EPHA6: variants seen among roughly 807,000 people sequenced by gnomAD.
EPHA6 encodes the protein ephrin type-A receptor 6.
In EPHA6, 50 loss-of-function variants were observed where a neutral mutation model predicts 112.0. The observed-to-expected ratio is 0.45, with a 90% CI of 0.36 to 0.56. EPHA6 has a LOEUF of 0.56. Ranked by LOEUF, EPHA6 falls within the 20% of genes least tolerant of loss-of-function variation. The probability of loss-of-function intolerance (pLI) is 0.00; values close to 1 mark genes in which losing one functional copy is unlikely to be tolerated. For synonymous variants in EPHA6, 529 were observed against 490.7 expected (o/e 1.08, Z -1.03); for missense variants, 1,280 against 1,417.4 (o/e 0.90, Z 1.56).
intron 10 of EPHA6, among the ~76,000 whole-genome samples, chr3:97,500,338 G>A (rs1234582977): frequency 6.6e-6 from 1 of 152,018 alleles, no homozygotes; most frequent in Non-Finnish European, 1.5e-5. Flanking sequence ...GGTTGTACAG[G>A]AAGCACGATG....
intron 3 of EPHA6, among the ~76,000 whole-genome samples, chr3:97,044,487 C>T (rs1478583705): frequency 6.6e-6 from 1 of 152,116 alleles, no homozygotes; most frequent in Non-Finnish European, 1.5e-5. Context: ...TAAGGTGAAA[C>T]ATCTGATAAG....
At chr3:97,267,538 G>A (rs922208743) in intron 5 of EPHA6, among the ~76,000 whole-genome samples, 1 of 151,964 alleles carries the variant, frequency 6.6e-6, no homozygotes, top group Non-Finnish European at 1.5e-5. Flanking sequence ...GTTGACTAAA[G>A]GAATGAATGC....
At chr3:97,666,483 G>C (rs2030124117) in intron 14 of EPHA6, among the ~76,000 whole-genome samples, 1 of 152,136 alleles carries the variant, frequency 6.6e-6, no homozygotes, top group Non-Finnish European at 1.5e-5. Context: ...CCTAGTTTCT[G>C]GTGGTTTGTT....
intron 2 of EPHA6, among the ~76,000 whole-genome samples, chr3:96,937,477 T>C (rs146308526): frequency 0.014 from 2,057 of 152,254 alleles, 48 homozygotes; most frequent in African/African-American, 0.045. Flanking sequence ...TGTGAATTTG[T>C]TGGAGTTCAT....
intron 14 of EPHA6, among the ~76,000 whole-genome samples, chr3:97,706,239 G>T (rs1192057116): frequency 2.0e-5 from 3 of 151,998 alleles, no homozygotes; most frequent in Non-Finnish European, 2.9e-5. Context: ...TAGGATCCCT[G>T]TCATCCTTTT....
At chr3:97,136,142 G>A (rs750527927) in intron 3 of EPHA6, among the ~76,000 whole-genome samples, 15 of 152,110 alleles carry the variant, frequency 9.9e-5, no homozygotes, top group Non-Finnish European at 1.9e-4. Flanking sequence ...TATGCCTTTA[G>A]GACTCCCACA....
chr3:97,542,094 GTT>G (rs35609794), intron 11 of EPHA6, among the ~76,000 whole-genome samples: 6 of 142,092 alleles, frequency 4.2e-5, no homozygotes, highest in African/African-American at 1.3e-4. Context: ...ATGTTTTTTT[GTT>G]TTTTTTTTTT....
intron 2 of EPHA6, among the ~76,000 whole-genome samples, chr3:96,947,489 G>T (rs2041328554): frequency 6.6e-6 from 1 of 152,098 alleles, no homozygotes; most frequent in Non-Finnish European, 1.5e-5. Flanking sequence ...TCAGATGGTT[G>T]TAGATGTGTG....
chr3:96,885,743 G>A (rs1399179213), intron 2 of EPHA6, among the ~76,000 whole-genome samples: 1 of 151,374 alleles, frequency 6.6e-6, no homozygotes, highest in Non-Finnish European at 1.5e-5. Context: ...CCTGATCTTT[G>A]TTACGTCCCT....
At chr3:96,969,808 T>A (rs2042249504) in intron 2 of EPHA6, among the ~76,000 whole-genome samples, 1 of 152,028 alleles carries the variant, frequency 6.6e-6, no homozygotes, top group African/African-American at 2.4e-5. Context: ...AGTGGATCTT[T>A]CAGCATCATT....
At chr3:97,090,870 A>G (rs1243457207) in intron 3 of EPHA6, among the ~76,000 whole-genome samples, 1 of 152,156 alleles carries the variant, frequency 6.6e-6, no homozygotes, top group Non-Finnish European at 1.5e-5. Flanking sequence ...AATAATACTC[A>G]GGAAAATTTG....
intron 11 of EPHA6, among the ~76,000 whole-genome samples, chr3:97,544,932 C>G (rs548572300): frequency 6.6e-6 from 1 of 150,966 alleles, no homozygotes; most frequent in African/African-American, 2.4e-5. Flanking sequence ...GGGAAATTTG[C>G]GTCTATTTGA....
In EPHA6 at chr3:97,714,277, G is replaced by A. The variant is rs933998189; in HGVS notation, c.2785-5984G>A. The stretch of plus-strand genomic sequence containing the variant: ...TGCTGGCTGCTAAGAGGTGCTTTAT[G>A]TGTACCATCTCATTTAATCCACTTA... On this transcript the variant is annotated intron_variant, in intron 14 of 17. Coordinates refer to ENST00000389672, the MANE Select transcript of EPHA6 (RefSeq NM_001080448.3). Among the ~76,000 whole-genome samples the A allele has an allele frequency of 6.0e-4, 92 of 152,180 alleles. 3 individuals carry two copies. Among genetic ancestry groups the A allele is most frequent in the Non-Finnish European group, 1.3e-4 (9 of 68,038 alleles).
At chr3:97,355,440 AG>A (rs1347975514) in intron 5 of EPHA6, among the ~76,000 whole-genome samples, 3 of 152,196 alleles carry the variant, frequency 2.0e-5, no homozygotes, top group Admixed American at 6.5e-5. Flanking sequence ...TTTGGCAATC[AG>A]GGTTATGTTG....
chr3:97,228,874 C>T (rs1456408679), intron 4 of EPHA6, among the ~76,000 whole-genome samples: 1 of 152,288 alleles, frequency 6.6e-6, no homozygotes, highest in African/African-American at 2.4e-5. Flanking sequence ...ACATCCACAT[C>T]AACATTTATG....
intron 15 of EPHA6, among the ~76,000 whole-genome samples, chr3:97,721,306 T>C (rs2034517063): frequency 6.6e-6 from 1 of 152,172 alleles, no homozygotes; most frequent in African/African-American, 2.4e-5. Context: ...CACACACACC[T>C]CCACACCTCA....
chr3:97,156,502 G>A (rs1339939140), intron 3 of EPHA6, among the ~76,000 whole-genome samples: 1 of 152,030 alleles, frequency 6.6e-6, no homozygotes, highest in Non-Finnish European at 1.5e-5. Flanking sequence ...AGATTGGTCA[G>A]TAGATTGTTT....
chr3:97,544,058 C>G (rs921231632), intron 11 of EPHA6, among the ~76,000 whole-genome samples: 1 of 152,138 alleles, frequency 6.6e-6, no homozygotes, highest in South Asian at 2.1e-4. Flanking sequence ...TTGACTTCCT[C>G]TTTTCCTAAT....
intron 3 of EPHA6, among the ~76,000 whole-genome samples, chr3:97,113,534 G>T (rs769454976): frequency 2.0e-5 from 3 of 152,060 alleles, no homozygotes; most frequent in Non-Finnish European, 4.4e-5. Flanking sequence ...TCAAGGGCAA[G>T]GCCTAAGGAA....
Sources: allele counts gnomAD v4.1 joint callset (sites outside exome capture counted in the v4.1 genomes callset), GRCh38; gene constraint gnomAD v4.1.1; transcripts MANE v1.5; gene names NCBI Gene and HGNC (gene_info 2026-07-23, HGNC 2026-07-21).